Variants in MTTP observed in about 807,000 individuals in gnomAD.
MTTP encodes the protein microsomal triglyceride transfer protein large subunit.
A neutral mutation model predicts 90.6 loss-of-function variants in MTTP; 49 were observed. That is an observed-to-expected ratio of 0.54 (90% CI 0.43 to 0.69). MTTP has a LOEUF of 0.69. Among genes scored for constraint, MTTP ranks in the 30% least tolerant of loss-of-function variants. The pLI, the probability that MTTP is intolerant of heterozygous loss-of-function variation, is 0.00. For missense variants in MTTP, 945 were observed against 1,067.5 expected (o/e 0.89, Z 1.60); for synonymous variants, 347 against 384.2 (o/e 0.90, Z 1.13).
intron 1 of MTTP, 108 bp from the exon 2 acceptor site, chr4:99,581,797 A>C (rs1560613953): frequency 1.8e-6 from 2 of 1,121,366 alleles, no homozygotes; most frequent in Non-Finnish European, 2.7e-6. Context: ...CAATCAGCGA[A>C]TATTTACCAA....
At position 99,623,014 on chromosome 4, in the gene MTTP, C is replaced by T; in HGVS notation, c.*166C>T. 1 of 724,194 alleles carries T rather than the reference C, an allele frequency of 1.4e-6. No individual in the cohort carries two copies. Among genetic ancestry groups the T allele is most frequent in the Non-Finnish European group, 2.4e-6 (1 of 413,980 alleles). 44.9% of individuals were successfully genotyped at this position (724,194 alleles called of 1,614,324 possible). ...CAGTTTGATCAAATTTGGGTATATG[C>T]AGTATGCTACCCACAGCGTCATTTT... On this transcript the variant is annotated 3_prime_UTR_variant, in exon 18 of 18. Transcript: ENST00000265517.
intron 1 of MTTP, among the ~76,000 whole-genome samples, chr4:99,564,677 G>GT (rs1222292702): frequency 2.0e-5 from 3 of 152,088 alleles, no homozygotes; most frequent in Non-Finnish European, 2.9e-5. Flanking sequence ...TTTCTATTTA[G>GT]TTTTTTTCTC....
intron 10 of MTTP, 62 bp downstream of exon 10, chr4:99,601,776 C>A: frequency 2.4e-6 from 3 of 1,247,588 alleles, no homozygotes; most frequent in Non-Finnish European, 3.5e-6. Context: ...TTGATACTCA[C>A]CATGCTGCCT....
chr4:99,565,494 C>A (rs17029142), intron 1 of MTTP, among the ~76,000 whole-genome samples: 21,575 of 152,164 alleles, frequency 0.14, 1,939 homozygotes, highest in East Asian at 0.44. Flanking sequence ...ACGGTGAAAT[C>A]ATGTGAAACA....
At chr4:99,576,017 G>A (rs904293427) in intron 1 of MTTP, among the ~76,000 whole-genome samples, 1 of 152,106 alleles carries the variant, frequency 6.6e-6, no homozygotes, top group African/African-American at 2.4e-5. Context: ...TTCATTATTG[G>A]AGCAATAGAG....
chr4:99,606,996 A>AT, intron 11 of MTTP, 36 bp downstream of exon 11: 1 of 1,553,010 alleles, frequency 6.4e-7, no homozygotes, highest in Non-Finnish European at 8.8e-7. Flanking sequence ...CATTTACAGA[A>AT]GAAAAAAAAA....
upstream of MTTP, chr4:99,570,765 G>A: frequency 2.2e-6 from 1 of 455,738 alleles, no homozygotes; most frequent in Non-Finnish European, 4.4e-6. Flanking sequence ...TGGTCAGAGT[G>A]ATATGAAGTA....
chr4:99,623,756 C>T lies in MTTP; in HGVS notation c.*908C>T, dbSNP rs1318628912. ...ACTAAGAGAACATTGCTTCAAGAAA[C>T]TGGTGGATTTGGATTTCCAAAATAT... On this transcript the variant is annotated 3_prime_UTR_variant, in exon 18 of 18. Coordinates refer to ENST00000265517, the MANE Select transcript of MTTP (RefSeq NM_001386140.1). The T allele has an allele frequency of 6.6e-6, 1 of 152,136 alleles. No individual in the cohort carries two copies. Among genetic ancestry groups the T allele is most frequent in the Non-Finnish European group, 1.5e-5 (1 of 68,034 alleles). The allele number at this position is 152,136 out of a possible 1,614,324, so 9.4% of individuals were successfully genotyped here.
In MTTP at chr4:99,622,993, T is replaced by C. The variant is rs947133705; in HGVS notation, c.*145T>C. ...GTAAAAAGCTACAAAAAACTGCAGT[T>C]TGATCAAATTTGGGTATATGCAGTA... On this transcript the variant is annotated 3_prime_UTR_variant, in exon 18 of 18. Transcript: ENST00000265517. The C allele has an allele frequency of 1.4e-5, 13 of 947,488 alleles. No individual in the cohort carries two copies. Among genetic ancestry groups the C allele is most frequent in the Non-Finnish European group, 2.2e-5 (13 of 600,570 alleles). The allele number at this position is 947,488 out of a possible 1,614,324, so 58.7% of individuals were successfully genotyped here.
chr4:99,566,243 C>T (rs978097057), intron 1 of MTTP, among the ~76,000 whole-genome samples: 4 of 147,240 alleles, frequency 2.7e-5, no homozygotes, highest in Non-Finnish European at 4.5e-5. Context: ...GAGGCGAGAT[C>T]CTGCCACTGC....
chr4:99,602,937 C>G (rs2110226170), intron 10 of MTTP, among the ~76,000 whole-genome samples: 1 of 152,134 alleles, frequency 6.6e-6, no homozygotes, highest in South Asian at 2.1e-4. Context: ...CAAATATAAA[C>G]AAATAAATAA....
intron 15 of MTTP, among the ~76,000 whole-genome samples, chr4:99,613,917 T>G (rs1726026310): frequency 6.6e-6 from 1 of 152,176 alleles, no homozygotes; most frequent in Non-Finnish European, 1.5e-5. Flanking sequence ...GAATGTTTGG[T>G]GCTTAAAATT....
chr4:99,604,823 C>G (rs541197858), intron 10 of MTTP, among the ~76,000 whole-genome samples: 1 of 152,240 alleles, frequency 6.6e-6, no homozygotes, highest in African/African-American at 2.4e-5. Context: ...TATATTGATT[C>G]ACCTGCTCAA....
At chr4:99,596,099 T>C (rs1725545932) in intron 7 of MTTP, among the ~76,000 whole-genome samples, 1 of 152,122 alleles carries the variant, frequency 6.6e-6, no homozygotes, top group Admixed American at 6.5e-5. Context: ...CCTTCAGAAA[T>C]GACCCAGTAA....
In MTTP at chr4:99,583,416, G is replaced by C. The variant is rs760024741; in HGVS notation, c.292G>C (p.Glu98Gln). Reference protein sequence around the residue: ...NVENVNQQRGEKSIFKGKSPS... With the variant: ...NVENVNQQRGQKSIFKGKSPS... ...TGAAAATGTGAATCAGCAGAGAGGAGAGAAGAGCATCTTCAAAGGAAAAAG... is the reference window on the plus strand; with the variant it reads ...TGAAAATGTGAATCAGCAGAGAGGACAGAAGAGCATCTTCAAAGGAAAAAG... The change falls in exon 3 of 18, where the codon GAG becomes CAG. Residue 98 changes from glutamate to glutamine, a missense_variant. Glu to Gln is a conservative substitution (Grantham distance 29). Coordinates refer to ENST00000265517, the MANE Select transcript of MTTP (RefSeq NM_001386140.1). 6.2e-7 allele frequency: 1 copy of C among 1,613,392 alleles called. No homozygotes were observed. The highest frequency in any genetic ancestry group is 1.1e-5 in the South Asian group (1 of 91,036).
rs767606836 is a variant in MTTP at position 99,574,877 on chromosome 4, G to A, written c.-33G>A. ...TCCACTTCTCAGTGACTCCTAGCTGGGCACTGGATGCAGTTGAGGATTGCT... is the reference window on the plus strand; with the variant it reads ...TCCACTTCTCAGTGACTCCTAGCTGAGCACTGGATGCAGTTGAGGATTGCT... On this transcript the variant is annotated 5_prime_UTR_variant, in exon 1 of 18. Transcript: ENST00000265517. 24 of 1,613,988 alleles carry A rather than the reference G, an allele frequency of 1.5e-5. No individual in the cohort carries two copies. The highest frequency in any genetic ancestry group is 1.9e-5 in the Non-Finnish European group (23 of 1,179,996).
chr4:99,603,656 A>C (rs1428195545), intron 10 of MTTP, among the ~76,000 whole-genome samples: 1 of 152,122 alleles, frequency 6.6e-6, no homozygotes, highest in Non-Finnish European at 1.5e-5. Context: ...TAAGGTTTAT[A>C]CAGCCTGGTT....
chr4:99,600,549 A>T lies in MTTP; in HGVS notation c.1068-16A>T, dbSNP rs1207487428. The T allele has an allele frequency of 1.9e-6, 3 of 1,611,604 alleles. No individual in the cohort carries two copies. The highest frequency in any genetic ancestry group is 2.2e-5 in the East Asian group (1 of 44,836). On this transcript the variant is annotated splice_polypyrimidine_tract_variant and intron_variant, in intron 8 of 17. Coordinates refer to ENST00000265517, the MANE Select transcript of MTTP (RefSeq NM_001386140.1). ...CCCCTAAACATTGATATCCATGATT[A>T]TGCCTTTTTTTATAGACCTCAGCTG...
chr4:99,621,306 T>A, intron 17 of MTTP, 75 bp downstream of exon 17: 1 of 1,527,550 alleles, frequency 6.5e-7, no homozygotes, highest in Non-Finnish European at 9.1e-7. Context: ...TTTAGAACAT[T>A]CAGTTTCAGA....
Sources: gnomAD v4.1 joint callset for allele counts (sites outside exome capture counted in the v4.1 genomes callset) on GRCh38, gnomAD v4.1.1 for gene constraint, MANE v1.5 for transcripts, NCBI Gene and HGNC (gene_info 2026-07-23, HGNC 2026-07-21) for gene names.